Variants in SHC4 observed in about 807,000 individuals in gnomAD.
SHC4 encodes SHC adaptor protein 4, also known as SHC-transforming protein 4.
In SHC4, 41 loss-of-function variants were observed where a neutral mutation model predicts 69.4. The ratio of observed to expected loss-of-function variants is 0.59; its 90% CI spans 0.46 to 0.77. SHC4 has a LOEUF of 0.77. Among genes scored for constraint, SHC4 ranks in the 30% least tolerant of loss-of-function variants. SHC4 has a pLI of 0.00. For synonymous variants in SHC4, 318 were observed against 299.3 expected, an observed-to-expected ratio of 1.06 and a Z score of -0.64; for missense variants, 777 against 783.8, an observed-to-expected ratio of 0.99 and a Z score of 0.10.
At chr15:48,954,858 C>G (rs1901418584) in intron 1 of SHC4, among the ~76,000 whole-genome samples, 1 of 152,200 alleles carries the variant, frequency 6.6e-6, no homozygotes, top group South Asian at 2.1e-4. Flanking sequence ...AAGCCTTGTA[C>G]ATACAGTTTG....
chr15:48,909,424 T>C (rs1189357735), intron 2 of SHC4, among the ~76,000 whole-genome samples: 2 of 152,194 alleles, frequency 1.3e-5, no homozygotes, highest in African/African-American at 4.8e-5. Flanking sequence ...CTGAATTCTT[T>C]AATCAGTTCT....
Position 48,872,147 on chromosome 15 carries a change from A to G in SHC4, c.841-5T>C. ...CATATGATGATTTGCAATAATCTGA[A>G]AAACATAAACATGTATACTAATATA... is the stretch of plus-strand genomic sequence containing the variant. On this transcript the variant is annotated splice_polypyrimidine_tract_variant and splice_region_variant and intron_variant, in intron 4 of 11. Transcript: ENST00000332408. 6.5e-7 allele frequency: 1 copy of G among 1,544,614 alleles called. No homozygotes were observed. Among genetic ancestry groups the G allele is most frequent in the Non-Finnish European group, 8.9e-7 (1 of 1,123,270 alleles).
intron 1 of SHC4, among the ~76,000 whole-genome samples, chr15:48,942,487 A>C (rs1453082323): frequency 2.0e-5 from 3 of 152,190 alleles, no homozygotes; most frequent in Admixed American, 2.0e-4. Context: ...TTCTTTAAAA[A>C]AAAAAACTCA....
intron 4 of SHC4, among the ~76,000 whole-genome samples, chr15:48,880,985 A>AGAGTGTGTGTGTGTGT: frequency 6.9e-6 from 1 of 145,974 alleles, no homozygotes; most frequent in Non-Finnish European, 1.5e-5. Flanking sequence ...TGTGTGTGAG[A>AGAGTGTGTGTGTGTGT]GTGTGTGTGT....
chr15:48,935,082 T>A (rs1901041858), intron 1 of SHC4, among the ~76,000 whole-genome samples: 1 of 152,172 alleles, frequency 6.6e-6, no homozygotes, highest in Non-Finnish European at 1.5e-5. Flanking sequence ...GTATGTGAAT[T>A]ACATCTCAAT....
intron 4 of SHC4, chr15:48,878,641 G>A (rs1297318893): frequency 1.2e-6 from 2 of 1,614,054 alleles, no homozygotes; most frequent in Non-Finnish European, 1.7e-6. Context: ...AGAAGACCCC[G>A]TTTGATCAGT....
chr15:48,898,571 A>G (rs920797759), intron 2 of SHC4, among the ~76,000 whole-genome samples: 1 of 152,226 alleles, frequency 6.6e-6, no homozygotes, highest in Non-Finnish European at 1.5e-5. Context: ...CTCAGCAACC[A>G]TAGGAAATGG....
chr15:48,878,335 G>A (rs377583239), intron 4 of SHC4: 6 of 1,613,524 alleles, frequency 3.7e-6, no homozygotes, highest in Non-Finnish European at 5.1e-6. Context: ...AACAGCTCGA[G>A]GAGGAAGGCC....
At chr15:48,851,162 C>A (rs772063050) in intron 9 of SHC4, 26 bp downstream of exon 9, 3 of 1,610,640 alleles carry the variant, frequency 1.9e-6, no homozygotes, top group African/African-American at 2.7e-5. Flanking sequence ...AGGAGGGTGG[C>A]AGATGGAGAA....
chr15:48,962,560 T>C lies in SHC4; in HGVS notation c.456A>G (p.Gly152=). 6.2e-7 allele frequency: 1 copy of C among 1,610,520 alleles called. No individual in the cohort carries two copies. The highest frequency in any genetic ancestry group is 8.5e-7 in the Non-Finnish European group (1 of 1,177,886). ...TAPPPQQDLV[G]HRATALTPDS... ...CAGGGGTTAGGGCGGTTGCCCTGTGTCCCACCAGGTCCTGCTGCGGTGGAG... is the reference window on the plus strand; with the variant it reads ...CAGGGGTTAGGGCGGTTGCCCTGTGCCCCACCAGGTCCTGCTGCGGTGGAG... The change falls in exon 1 of 12, where the codon GGA becomes GGG. Residue 152 remains glycine, a synonymous_variant. Transcript: ENST00000332408.
intron 1 of SHC4, among the ~76,000 whole-genome samples, chr15:48,955,683 C>T (rs554664079): frequency 8.1e-4 from 123 of 152,336 alleles, no homozygotes; most frequent in Non-Finnish European, 1.4e-3. Flanking sequence ...TTTCTTCTCA[C>T]TGCTATTTTA....
chr15:48,961,218 G>A (rs1291186971), intron 1 of SHC4, among the ~76,000 whole-genome samples: 1 of 152,058 alleles, frequency 6.6e-6, no homozygotes, highest in Non-Finnish European at 1.5e-5. Flanking sequence ...CAACCAACTG[G>A]TCTTTTAAAA....
At chr15:48,841,902 C>A (rs1232045847) in intron 10 of SHC4, among the ~76,000 whole-genome samples, 1 of 152,188 alleles carries the variant, frequency 6.6e-6, no homozygotes, top group Non-Finnish European at 1.5e-5. Context: ...TTAAGACGGT[C>A]TGCTGAGATC....
At chr15:48,829,448 C>T (rs1376042706) in intron 11 of SHC4, among the ~76,000 whole-genome samples, 1 of 152,050 alleles carries the variant, frequency 6.6e-6, no homozygotes, top group Non-Finnish European at 1.5e-5. Flanking sequence ...TTATATCTTC[C>T]TGAAGAATTG....
At position 48,834,871 on chromosome 15, in the gene SHC4, G is replaced by T; in HGVS notation, c.1635C>A (p.Asp545Glu). Residue 545 changes from aspartate to glutamate, a missense_variant, in exon 11 of 12, where the codon GAC (aspartate) becomes GAA (glutamate). Coordinates refer to ENST00000332408, the MANE Select transcript of SHC4 (RefSeq NM_203349.4). The stretch of plus-strand genomic sequence containing the variant: ...ATGTTGCACTCTCTCGAACCAAAAA[G>T]TCCCCATCCTTTACCAAGAGGCTCT... ...AAESLLVKDGDFLVRESATSP... is the reference protein window; with the variant it reads ...AAESLLVKDGEFLVRESATSP... The T allele has an allele frequency of 2.5e-6, 4 of 1,614,102 alleles. No homozygotes were observed. Among genetic ancestry groups the T allele is most frequent in the Non-Finnish European group, 3.4e-6 (4 of 1,180,024 alleles).
At chr15:48,900,831 G>A (rs1312432561) in intron 2 of SHC4, among the ~76,000 whole-genome samples, 2 of 152,182 alleles carry the variant, frequency 1.3e-5, no homozygotes. Context: ...GACAGGGCTT[G>A]GGGGTCAGAA....
chr15:48,870,182 G>A (rs1292277761), intron 5 of SHC4, among the ~76,000 whole-genome samples: 1 of 152,164 alleles, frequency 6.6e-6, no homozygotes, highest in East Asian at 1.9e-4. Flanking sequence ...TTCCTTCATG[G>A]ATGACTGAGC....
chr15:48,909,000 C>G (rs1900460367), intron 2 of SHC4, among the ~76,000 whole-genome samples: 1 of 152,108 alleles, frequency 6.6e-6, no homozygotes, highest in African/African-American at 2.4e-5. Flanking sequence ...CAGATTTGTT[C>G]TTTTTGTTTA....
chr15:48,857,669 T>C (rs999519644), intron 7 of SHC4, 23 bp downstream of exon 7: 25 of 1,577,364 alleles, frequency 1.6e-5, no homozygotes, highest in Non-Finnish European at 1.9e-5. Flanking sequence ...TATTGTCAAA[T>C]TATTATAAAA....
Sources: gnomAD v4.1 joint callset for allele counts (sites outside exome capture counted in the v4.1 genomes callset) on GRCh38, gnomAD v4.1.1 for gene constraint, MANE v1.5 for transcripts, NCBI Gene and HGNC (gene_info 2026-07-23, HGNC 2026-07-21) for gene names.